Variants in NUP62CL observed in about 807,000 individuals in gnomAD.
The protein encoded by NUP62CL is nucleoporin-62 C-terminal-like protein.
Under a neutral mutation model 15.3 loss-of-function variants are expected in NUP62CL, and 13 were observed. The ratio of observed to expected loss-of-function variants is 0.85; its 90% CI spans 0.55 to 1.35. NUP62CL has a LOEUF of 1.35. Among genes scored for constraint, NUP62CL ranks in the 40% most tolerant of loss-of-function variants. The probability of loss-of-function intolerance (pLI) is 0.00; values close to 1 mark genes in which losing one functional copy is unlikely to be tolerated. For missense variants in NUP62CL, 123 were observed against 130.6 expected (o/e 0.94, Z 0.28); for synonymous variants, 54 against 49.2 (o/e 1.10, Z -0.41).
At chrX:107,135,815 T>A (rs373416599) in intron 8 of NUP62CL, among the ~76,000 whole-genome samples, 1 of 110,901 alleles carries the variant, frequency 9.0e-6, no homozygotes, top group East Asian at 2.8e-4. Flanking sequence ...AAATAAAAAT[T>A]TCTAGAAATA....
chrX:107,165,611 C>CA (rs2147805598), intron 4 of NUP62CL, among the ~76,000 whole-genome samples: 1 of 110,625 alleles, frequency 9.0e-6, no homozygotes, highest in East Asian at 2.8e-4. Flanking sequence ...AAAAATGTAC[C>CA]AAAAAATTAT....
At chrX:107,155,407 C>T (rs1368075855) in intron 4 of NUP62CL, among the ~76,000 whole-genome samples, 1 of 112,698 alleles carries the variant, frequency 8.9e-6, no homozygotes, top group Non-Finnish European at 1.9e-5. Flanking sequence ...CAGTCCTCCA[C>T]TTCCCCCTGA....
chrX:107,203,325 C>T (rs1006219195), intron 1 of NUP62CL, among the ~76,000 whole-genome samples: 1 of 107,749 alleles, frequency 9.3e-6, no homozygotes. Flanking sequence ...CTCACTGCAG[C>T]CCCAACCTCC....
intron 7 of NUP62CL, among the ~76,000 whole-genome samples, chrX:107,148,455 C>T (rs928747019): frequency 4.1e-4 from 46 of 111,013 alleles, no homozygotes; most frequent in Non-Finnish European, 7.6e-4. Context: ...GTAAAGTCAA[C>T]CCTGATGAAA....
intron 8 of NUP62CL, chrX:107,131,827 T>C: frequency 1.8e-6 from 2 of 1,096,075 alleles, no homozygotes; most frequent in Non-Finnish European, 2.5e-6. Flanking sequence ...TGCTGGGGAG[T>C]ATGAAGACAC....
chrX:107,180,843 T>A (rs763431625), intron 2 of NUP62CL, among the ~76,000 whole-genome samples: 422 of 110,143 alleles, frequency 3.8e-3, no homozygotes, highest in Non-Finnish European at 5.7e-3. Context: ...AATGCTTATC[T>A]CCTCAACTCC....
chrX:107,165,088 G>A (rs1268681702), intron 4 of NUP62CL, among the ~76,000 whole-genome samples: 1 of 111,487 alleles, frequency 9.0e-6, no homozygotes, highest in African/African-American at 3.3e-5. Flanking sequence ...GCGACAGAGC[G>A]AGACTCCGTC....
intron 2 of NUP62CL, among the ~76,000 whole-genome samples, chrX:107,176,802 G>A (rs1324301161): frequency 9.0e-6 from 1 of 111,248 alleles, no homozygotes; most frequent in Non-Finnish European, 1.9e-5. Context: ...AACAAATTAG[G>A]AAGAGAAGGG....
At chrX:107,190,321 T>C (rs1273824376) in intron 2 of NUP62CL, among the ~76,000 whole-genome samples, 1 of 112,196 alleles carries the variant, frequency 8.9e-6, no homozygotes, top group Non-Finnish European at 1.9e-5. Flanking sequence ...CCTGATAAAT[T>C]TCATTTCAGA....
intron 7 of NUP62CL, among the ~76,000 whole-genome samples, chrX:107,152,155 T>TTCAG (rs1569357209): frequency 0.032 from 2,172 of 67,455 alleles, 249 homozygotes; most frequent in East Asian, 0.11. Flanking sequence ...TATTCAGATA[T>TTCAG]ATATATATAT....
intron 7 of NUP62CL, among the ~76,000 whole-genome samples, chrX:107,151,553 G>A (rs1234171635): frequency 1.9e-5 from 2 of 107,010 alleles, no homozygotes; most frequent in East Asian, 3.0e-4. Context: ...ACACGACCCA[G>A]TCAATAAATA....
intron 1 of NUP62CL, among the ~76,000 whole-genome samples, chrX:107,204,451 C>G (rs1384365407): frequency 9.0e-6 from 1 of 111,137 alleles, no homozygotes; most frequent in Non-Finnish European, 1.9e-5. Flanking sequence ...CTGGGGAAAA[C>G]AGTTCTTAGT....
intron 2 of NUP62CL, among the ~76,000 whole-genome samples, chrX:107,192,582 T>C (rs1193375778): frequency 1.8e-5 from 2 of 111,388 alleles, no homozygotes; most frequent in Non-Finnish European, 3.8e-5. Context: ...AGTTTTGCCA[T>C]GTTACCCAGG....
chrX:107,134,380 TAC>T (rs771196954), intron 8 of NUP62CL, among the ~76,000 whole-genome samples: 1 of 112,663 alleles, frequency 8.9e-6, no homozygotes. Context: ...AGTTAAAATA[TAC>T]CTCATGTTAA....
At chrX:107,148,662 T>A (rs1441849198) in intron 7 of NUP62CL, among the ~76,000 whole-genome samples, 1 of 111,717 alleles carries the variant, frequency 9.0e-6, no homozygotes, top group Non-Finnish European at 1.9e-5. Context: ...AGGGTACTGT[T>A]AATATAGATG....
intron 2 of NUP62CL, among the ~76,000 whole-genome samples, chrX:107,191,819 AT>A (rs767643266): frequency 1.8e-5 from 2 of 112,252 alleles, no homozygotes; most frequent in East Asian, 5.6e-4. Context: ...CTTTAAAACA[AT>A]TTTTAGAGAT....
intron 3 of NUP62CL, among the ~76,000 whole-genome samples, chrX:107,169,243 C>A (rs2147806975): frequency 9.0e-6 from 1 of 110,708 alleles, no homozygotes; most frequent in Non-Finnish European, 1.9e-5. Context: ...GGACCATGAG[C>A]AAGTCACAAT....
rs1203995546 is a variant in NUP62CL at position 107,154,114 on chromosome X, C to T, written c.327G>A (p.Leu109=). 3.3e-5 allele frequency: 40 copies of T among 1,200,590 alleles called. No individual in the cohort carries two copies. The highest frequency in any genetic ancestry group is 4.5e-5 in the Non-Finnish European group (40 of 890,484). ...TTCTTACCATCTCACCATTCTCAAT[C>T]AATGTATGGTCCCAAGCATTGACCT... ...ATQVNAWDHT[L]IENGEMIRIL... Residue 109 remains leucine (L), a synonymous_variant, in exon 5 of 9, where the codon TTG becomes TTA. Transcript: ENST00000372466.
intron 1 of NUP62CL, among the ~76,000 whole-genome samples, chrX:107,198,550 G>C (rs944275213): frequency 5.4e-5 from 6 of 111,851 alleles, no homozygotes; most frequent in African/African-American, 2.0e-4. Flanking sequence ...AAGCCAGTGA[G>C]ACCACGAACC....
Sources: allele counts gnomAD v4.1 joint callset (sites outside exome capture counted in the v4.1 genomes callset), GRCh38; gene constraint gnomAD v4.1.1; transcripts MANE v1.5; gene names NCBI Gene and HGNC (gene_info 2026-07-23, HGNC 2026-07-21).